TPRG1: variants seen among roughly 807,000 people sequenced by gnomAD.
TPRG1 encodes the protein tumor protein p63-regulated gene 1 protein.
A neutral mutation model predicts 29.3 loss-of-function variants in TPRG1; 29 were observed. The observed-to-expected ratio is 0.99, with a 90% confidence interval of 0.74 to 1.35. The LOEUF is 1.35. Among genes scored for constraint, TPRG1 ranks in the 40% most tolerant of loss-of-function variants. The pLI, the probability that TPRG1 is intolerant of heterozygous loss-of-function variation, is 0.00. For synonymous variants in TPRG1, 130 were observed against 116.8 expected (o/e 1.11, Z -0.73); for missense variants, 327 against 335.0 (o/e 0.98, Z 0.19).
intron 1 of TPRG1, among the ~76,000 whole-genome samples, chr3:189,124,348 T>G (rs906264289): frequency 6.6e-6 from 1 of 152,068 alleles, no homozygotes; most frequent in Non-Finnish European, 1.5e-5. Context: ...TGACAAAAGC[T>G]CCATCCTGTA....
chr3:189,021,965 G>C (rs926623079), intron 3 of TPRG1, among the ~76,000 whole-genome samples: 1 of 151,902 alleles, frequency 6.6e-6, no homozygotes, highest in Admixed American at 6.6e-5. Flanking sequence ...TTCCCTTCTT[G>C]CTTCATTTCA....
At chr3:189,205,875 T>TA (rs1038326491) in intron 1 of TPRG1, among the ~76,000 whole-genome samples, 1 of 152,180 alleles carries the variant, frequency 6.6e-6, no homozygotes, top group South Asian at 2.1e-4. Context: ...CAAACAAAAA[T>TA]AAAAATCACC....
intron 4 of TPRG1, among the ~76,000 whole-genome samples, chr3:189,088,090 T>C (rs901088587): frequency 5.3e-5 from 8 of 152,200 alleles, no homozygotes; most frequent in Admixed American, 2.0e-4. Context: ...AAATTACCTT[T>C]GGCAGTATGG....
intron 1 of TPRG1, among the ~76,000 whole-genome samples, chr3:189,126,069 T>C (rs962897998): frequency 3.3e-5 from 5 of 152,120 alleles, no homozygotes; most frequent in Non-Finnish European, 7.4e-5. Flanking sequence ...GCTCTTTTCC[T>C]GAGTTCACAG....
At chr3:189,022,999 G>C (rs545628141) in intron 3 of TPRG1, among the ~76,000 whole-genome samples, 1 of 152,122 alleles carries the variant, frequency 6.6e-6, no homozygotes, top group Non-Finnish European at 1.5e-5. Flanking sequence ...TCCAGGTGCC[G>C]TCCGTCACCC....
chr3:188,997,666 A>G (rs2152120994), intron 1 of TPRG1, among the ~76,000 whole-genome samples: 1 of 152,308 alleles, frequency 6.6e-6, no homozygotes, highest in South Asian at 2.1e-4. Context: ...GCTACCCTTC[A>G]GCCTCAAAGA....
intron 4 of TPRG1, among the ~76,000 whole-genome samples, chr3:189,264,131 A>T (rs528802526): frequency 2.2e-4 from 33 of 152,302 alleles, no homozygotes; most frequent in Admixed American, 6.5e-4. Context: ...TCTTCTTGAG[A>T]AAGTTGTTTC....
At chr3:189,277,318 C>A (rs1025784919) in intron 4 of TPRG1, among the ~76,000 whole-genome samples, 2 of 152,070 alleles carry the variant, frequency 1.3e-5, no homozygotes, top group Non-Finnish European at 2.9e-5. Context: ...GCACACAACA[C>A]CTCATACCAT....
At chr3:189,116,341 T>A (rs1315841479) in intron 1 of TPRG1, among the ~76,000 whole-genome samples, 1 of 151,992 alleles carries the variant, frequency 6.6e-6, no homozygotes, top group Non-Finnish European at 1.5e-5. Flanking sequence ...CATGCCCGGC[T>A]AATTTTTTTG....
At chr3:189,019,563 T>C (rs947087193) in intron 3 of TPRG1, among the ~76,000 whole-genome samples, 12 of 152,250 alleles carry the variant, frequency 7.9e-5, no homozygotes, top group Admixed American at 6.5e-5. Context: ...GAACCAGCCT[T>C]GCATCCCAGG....
intron 1 of TPRG1, among the ~76,000 whole-genome samples, chr3:189,102,550 A>C (rs573464586): frequency 3.4e-4 from 51 of 152,218 alleles, no homozygotes; most frequent in African/African-American, 1.2e-3. Context: ...AATTGACTCT[A>C]TTGCCTAAAT....
chr3:189,290,752 T>C (rs1281714091), intron 4 of TPRG1, among the ~76,000 whole-genome samples: 2 of 152,216 alleles, frequency 1.3e-5, no homozygotes, highest in African/African-American at 4.8e-5. Flanking sequence ...TTTTGAATGA[T>C]GCAGGCTGAG....
intron 4 of TPRG1, among the ~76,000 whole-genome samples, chr3:189,089,352 T>C (rs1444463765): frequency 6.6e-6 from 1 of 152,246 alleles, no homozygotes; most frequent in African/African-American, 2.4e-5. Flanking sequence ...GTATCTTTAC[T>C]AAAACTAAGA....
At chr3:189,239,017 G>A (rs538160126) in intron 4 of TPRG1, 108 bp downstream of exon 4, 13 of 915,454 alleles carry the variant, frequency 1.4e-5, no homozygotes, top group South Asian at 1.0e-4. Context: ...ACCCAAGGGA[G>A]GATAGTGAAA....
intron 1 of TPRG1, among the ~76,000 whole-genome samples, chr3:189,112,047 T>C (rs1720591846): frequency 6.6e-6 from 1 of 152,194 alleles, no homozygotes; most frequent in Non-Finnish European, 1.5e-5. Flanking sequence ...TTTGTGTCTA[T>C]TGATATGATC....
intron 4 of TPRG1, among the ~76,000 whole-genome samples, chr3:189,080,605 T>C (rs1330164497): frequency 6.6e-6 from 1 of 152,044 alleles, no homozygotes; most frequent in Non-Finnish European, 1.5e-5. Context: ...TTGACCAGCA[T>C]AGGTTCCTAA....
At chr3:189,078,091 C>CTCTTTCTCTCTTTCTCTCTT (rs1553899974) in intron 4 of TPRG1, among the ~76,000 whole-genome samples, 12 of 85,200 alleles carry the variant, frequency 1.4e-4, no homozygotes, top group African/African-American at 4.9e-4. Context: ...CTCTCTTTCT[C>CTCTTTCTCTCTTTCTCTCTT]TCTTTCTTTC....
At position 189,267,217 on chromosome 3, in the gene TPRG1, T is replaced by C. The variant is rs1484017120; in HGVS notation, c.479+28308T>C. ...ACATGTTTATAGCATAGGAGCAATA[T>C]ACTCTATACCATATAGCCTAGGTTT... On this transcript the variant is annotated intron_variant, in intron 4 of 5. Coordinates refer to ENST00000345063, the MANE Select transcript of TPRG1 (RefSeq NM_198485.4). Among the ~76,000 whole-genome samples the C allele has an allele frequency of 2.0e-5, 3 of 152,348 alleles. No individual in the cohort carries two copies. The East Asian group carries it at 5.8e-4, about 29-fold the overall frequency.
chr3:189,189,161 C>T (rs1731342845), intron 1 of TPRG1, among the ~76,000 whole-genome samples: 1 of 151,982 alleles, frequency 6.6e-6, no homozygotes, highest in African/African-American at 2.4e-5. Flanking sequence ...AACCTATAAT[C>T]CCATTACCTA....
Sources: gnomAD v4.1 joint callset for allele counts (sites outside exome capture counted in the v4.1 genomes callset) on GRCh38, gnomAD v4.1.1 for gene constraint, MANE v1.5 for transcripts, NCBI Gene and HGNC (gene_info 2026-07-23, HGNC 2026-07-21) for gene names.